ELF2: variants seen among roughly 807,000 people sequenced by gnomAD.
ELF2 encodes ETS-related transcription factor Elf-2.
ELF2 carries 11 observed loss-of-function variants against 54.8 expected under a neutral mutation model. That is an observed-to-expected ratio of 0.20 (90% confidence interval 0.13 to 0.33). The LOEUF (loss-of-function observed/expected upper bound fraction) is 0.33, where lower values mean the gene tolerates loss of function less well. Ranked by LOEUF, ELF2 falls within the 10% of genes least tolerant of loss-of-function variation. ELF2 has a pLI of 1.00. For synonymous variants in ELF2, 203 were observed against 245.1 expected, an observed-to-expected ratio of 0.83 and a Z score of 1.61; for missense variants, 513 against 703.0, an observed-to-expected ratio of 0.73 and a Z score of 3.06.
At chr4:139,174,206 T>TA (rs1222397912) in intron 1 of ELF2, among the ~76,000 whole-genome samples, 2,959 of 93,778 alleles carry the variant, frequency 0.032, 124 homozygotes, top group African/African-American at 0.11. Flanking sequence ...GACTCCATCT[T>TA]AAAAAAAAAA....
chr4:139,130,693 A>G (rs35560118), intron 3 of ELF2, among the ~76,000 whole-genome samples: 21 of 152,310 alleles, frequency 1.4e-4, no homozygotes, highest in Non-Finnish European at 2.6e-4. Flanking sequence ...TTTGAGAGCA[A>G]GAGTTATATC....
intron 4 of ELF2, among the ~76,000 whole-genome samples, chr4:139,111,694 A>G (rs1423336745): frequency 6.6e-6 from 1 of 152,184 alleles, no homozygotes; most frequent in Non-Finnish European, 1.5e-5. Flanking sequence ...TGGACAATGG[A>G]TAAGAGACAA....
rs753949398 is a variant in ELF2 at position 139,075,590 on chromosome 4, G to A, written c.239-2023C>T. On this transcript the variant is annotated intron_variant, in intron 4 of 9. Transcript: ENST00000686138. ...GATTACAGGCACATGCCACCATACC[G>A]GATTAATTTTTGTATTTTAGTAGAG... 1.3e-4 allele frequency among the ~76,000 whole-genome samples: 20 copies of A among 152,026 alleles called. No individual in the cohort carries two copies. The South Asian group carries it at 2.5e-3, about 19-fold the overall frequency.
intron 4 of ELF2, among the ~76,000 whole-genome samples, chr4:139,098,469 CTTT>C (rs559858763): frequency 1.4e-5 from 2 of 140,138 alleles, no homozygotes; most frequent in Non-Finnish European, 3.1e-5. Context: ...ATTTTTAAAA[CTTT>C]TTTTTTTTTT....
At chr4:139,122,658 C>T (rs540280052) in intron 4 of ELF2, among the ~76,000 whole-genome samples, 23 of 151,968 alleles carry the variant, frequency 1.5e-4, no homozygotes, top group South Asian at 6.2e-4. Flanking sequence ...CATGCCACCA[C>T]GCCCAGCTAA....
chr4:139,122,524 CAG>C (rs1018037184), intron 4 of ELF2, among the ~76,000 whole-genome samples: 7 of 38,196 alleles, frequency 1.8e-4, no homozygotes, highest in Non-Finnish European at 5.1e-5. Flanking sequence ...TTGTTTGAGA[CAG>C]AGTCTCGCTA....
chr4:139,101,534 T>C (rs915495147), intron 4 of ELF2: 4 of 152,180 alleles, frequency 2.6e-5, no homozygotes, highest in East Asian at 1.9e-4. Flanking sequence ...AAAACAAATA[T>C]ATGGGGATTC....
intron 1 of ELF2, among the ~76,000 whole-genome samples, chr4:139,171,085 G>A (rs1365574648): frequency 6.6e-6 from 1 of 152,090 alleles, no homozygotes; most frequent in Non-Finnish European, 1.5e-5. Flanking sequence ...GATCTGAATA[G>A]TGATGTCATC....
intron 1 of ELF2, among the ~76,000 whole-genome samples, chr4:139,168,881 T>C: frequency 6.6e-6 from 1 of 152,016 alleles, no homozygotes; most frequent in East Asian, 1.9e-4. Context: ...AAGAAAGATT[T>C]TGATCAAAAG....
At position 139,158,493 on chromosome 4, in the gene ELF2, C is replaced by T. The variant is rs969672094; in HGVS notation, c.-252+18474G>A. Among the ~76,000 whole-genome samples, 10 of 152,126 alleles carry T rather than the reference C, an allele frequency of 6.6e-5. No individual in the cohort carries two copies. The South Asian group carries it at 1.5e-3, about 22-fold the overall frequency. ...TAGTGGGCAATGTTTCTCAGGGCTG[C>T]TTCAAGCGGGATTAGGGGCGACGTG... On this transcript the variant is annotated intron_variant, in intron 1 of 9. Coordinates refer to ENST00000686138, the MANE Select transcript of ELF2 (RefSeq NM_001331036.3).
chr4:139,128,571 G>C (rs1362687301), intron 3 of ELF2, among the ~76,000 whole-genome samples: 1 of 151,012 alleles, frequency 6.6e-6, no homozygotes, highest in Non-Finnish European at 1.5e-5. Flanking sequence ...GCCCAGGTTG[G>C]AGTGCAGTGG....
At chr4:139,147,655 TA>T (rs1266383724) in intron 1 of ELF2, among the ~76,000 whole-genome samples, 8 of 151,678 alleles carry the variant, frequency 5.3e-5, no homozygotes, top group African/African-American at 1.9e-4. Context: ...TTTGTATTTT[TA>T]GTAGAGACGG....
chr4:139,129,347 A>G (rs1036491345), intron 3 of ELF2, among the ~76,000 whole-genome samples: 6 of 152,120 alleles, frequency 3.9e-5, no homozygotes, highest in Admixed American at 1.3e-4. Flanking sequence ...TTTTTGCCCT[A>G]TACTACCTTC....
intron 4 of ELF2, among the ~76,000 whole-genome samples, chr4:139,092,385 AACATAACATAACATAACATAACATAACAT>A (rs1353551157): frequency 1.7e-5 from 2 of 116,820 alleles, no homozygotes; most frequent in Non-Finnish European, 3.6e-5. Flanking sequence ...AACATAACAT[AACATAACATAACATAACATAACATAACAT>A]ACATAACATA....
rs535769300 is a variant in ELF2 at position 139,155,901 on chromosome 4, C to T, written c.-251-16404G>A. 2.6e-5 allele frequency among the ~76,000 whole-genome samples: 4 copies of T among 151,990 alleles called. No homozygotes were observed. The South Asian group carries it at 6.2e-4, about 24-fold the overall frequency. ...CTTACTTTAGGAATAAATAATTAATCCAGATGTTTAAAAATGATGCTAGAA... is the reference window on the plus strand; with the variant it reads ...CTTACTTTAGGAATAAATAATTAATTCAGATGTTTAAAAATGATGCTAGAA... On this transcript the variant is annotated intron_variant, in intron 1 of 9. Coordinates refer to ENST00000686138, the MANE Select transcript of ELF2 (RefSeq NM_001331036.3).
In ELF2 at chr4:139,139,499, T is replaced by C. The variant is rs1738497868; in HGVS notation, c.-251-2A>G. 5 of 1,227,320 alleles carry C rather than the reference T, an allele frequency of 4.1e-6. No individual in the cohort carries two copies. Among genetic ancestry groups the C allele is most frequent in the Non-Finnish European group, 5.1e-6 (5 of 985,154 alleles). 76.0% of individuals were successfully genotyped at this position (1,227,320 alleles called of 1,614,324 possible). A position where few individuals can be genotyped will look rare whatever the true frequency, so the allele number is the denominator to read the frequency against. ...ATCTGAACCAGTAGTTCTTTGGAAC[T>C]GCCAGCGGGAGGGGAAAAAAGATAA... On this transcript the variant is annotated splice_acceptor_variant, in intron 1 of 9. Transcript: ENST00000686138. LOFTEE classifies it low-confidence loss of function (5UTR_SPLICE).
intron 4 of ELF2, among the ~76,000 whole-genome samples, chr4:139,095,329 T>C (rs1733137234): frequency 6.6e-6 from 1 of 151,796 alleles, no homozygotes; most frequent in Non-Finnish European, 1.5e-5. Flanking sequence ...GGATTACAGG[T>C]ATGCAACATC....
chr4:139,098,469 CTT>C (rs559858763), intron 4 of ELF2, among the ~76,000 whole-genome samples: 20 of 140,106 alleles, frequency 1.4e-4, no homozygotes, highest in Middle Eastern at 3.8e-3. Flanking sequence ...ATTTTTAAAA[CTT>C]TTTTTTTTTT....
At chr4:139,095,820 G>C (rs1049053213) in intron 4 of ELF2, among the ~76,000 whole-genome samples, 6 of 152,132 alleles carry the variant, frequency 3.9e-5, no homozygotes, top group Non-Finnish European at 7.4e-5. Context: ...CAAGGCGGGT[G>C]GATCACTTGA....
Sources: allele counts gnomAD v4.1 joint callset (sites outside exome capture counted in the v4.1 genomes callset), GRCh38; gene constraint gnomAD v4.1.1; transcripts MANE v1.5; gene names NCBI Gene and HGNC (gene_info 2026-07-23, HGNC 2026-07-21).